LRRC7: variants seen among roughly 807,000 people sequenced by gnomAD.
LRRC7 encodes the protein leucine-rich repeat-containing protein 7.
A neutral mutation model predicts 175.7 loss-of-function variants in LRRC7; 23 were observed. That is an observed-to-expected ratio of 0.13 (90% confidence interval 0.09 to 0.19). The LOEUF (loss-of-function observed/expected upper bound fraction) is 0.19, where lower values mean the gene tolerates loss of function less well. Ranked by LOEUF, LRRC7 falls within the 10% of genes least tolerant of loss-of-function variation. The pLI is 1.00. For missense variants in LRRC7, 1,354 were observed against 1,904.7 expected (o/e 0.71, Z 5.38); for synonymous variants, 685 against 680.9 (o/e 1.01, Z -0.09).
chr1:69,939,254 A>G (rs1570736554), intron 8 of LRRC7, among the ~76,000 whole-genome samples: 1 of 151,618 alleles, frequency 6.6e-6, no homozygotes, highest in African/African-American at 2.4e-5. Flanking sequence ...CAAAGGGGGG[A>G]CACTGAAAAA....
chr1:69,803,295 C>G (rs1177818429), intron 4 of LRRC7, among the ~76,000 whole-genome samples: 1 of 151,302 alleles, frequency 6.6e-6, no homozygotes, highest in Admixed American at 6.6e-5. Context: ...GGTACATAAT[C>G]TATTGGAATT....
At chr1:69,917,510 C>G (rs1212621967) in intron 7 of LRRC7, among the ~76,000 whole-genome samples, 2 of 152,054 alleles carry the variant, frequency 1.3e-5, no homozygotes, top group African/African-American at 4.8e-5. Flanking sequence ...AAGATGCTTA[C>G]TTTTCTGACA....
intron 4 of LRRC7, among the ~76,000 whole-genome samples, chr1:69,805,283 G>T (rs945002979): frequency 6.6e-6 from 1 of 151,582 alleles, no homozygotes; most frequent in Admixed American, 6.6e-5. Context: ...TCTCAAATAG[G>T]CTAGAAAAAG....
At chr1:69,968,557 A>G (rs2101861301) in intron 8 of LRRC7, among the ~76,000 whole-genome samples, 1 of 152,296 alleles carries the variant, frequency 6.6e-6, no homozygotes, top group Non-Finnish European at 1.5e-5. Flanking sequence ...AGGCAAAAAC[A>G]CCAGGTAACC....
At chr1:69,812,173 T>G (rs1677969403) in intron 4 of LRRC7, among the ~76,000 whole-genome samples, 1 of 152,164 alleles carries the variant, frequency 6.6e-6, no homozygotes, top group African/African-American at 2.4e-5. Context: ...AGGTTGTTTG[T>G]ATTTGACCTG....
intron 11 of LRRC7, among the ~76,000 whole-genome samples, chr1:70,007,382 C>T (rs1456666419): frequency 6.6e-6 from 1 of 152,030 alleles, no homozygotes; most frequent in Non-Finnish European, 1.5e-5. Context: ...TGAAACTGTG[C>T]AAAACAGTCT....
intron 4 of LRRC7, among the ~76,000 whole-genome samples, chr1:69,822,104 C>T (rs889290317): frequency 1.3e-5 from 2 of 152,204 alleles, no homozygotes; most frequent in Admixed American, 1.3e-4. Context: ...GATGTGCCTG[C>T]TCCACCTATT....
intron 24 of LRRC7, among the ~76,000 whole-genome samples, chr1:70,084,312 T>C (rs1663442152): frequency 6.6e-6 from 1 of 152,322 alleles, no homozygotes; most frequent in Middle Eastern, 3.4e-3. Flanking sequence ...CCTTGAGCAG[T>C]CACTTTCCAT....
Position 70,038,392 on chromosome 1 carries a change from T to C in LRRC7, c.2568T>C (p.Gly856=), listed in dbSNP as rs1049314937. ...RPLIRQDRIV[G]VPLELEQSTH... ...TGATCAGGCAAGACAGGATTGTTGG[T>C]GTTCCCCTGGAACTCGAGCAGTCTA... The change falls in exon 21 of 27, where the codon GGT becomes GGC. Residue 856 remains glycine, a synonymous_variant. Coordinates refer to ENST00000651989, the MANE Select transcript of LRRC7 (RefSeq NM_001370785.2). 26 of 1,613,962 alleles carry C rather than the reference T, an allele frequency of 1.6e-5. No homozygotes were observed. The highest frequency in any genetic ancestry group is 2.0e-5 in the Non-Finnish European group (24 of 1,180,000).
At position 69,626,767 on chromosome 1, in the gene LRRC7, C is replaced by A. The variant is rs151222130; in HGVS notation, c.3-51614C>A. Among the ~76,000 whole-genome samples, 323 of 137,484 alleles carry A rather than the reference C, an allele frequency of 2.3e-3. 1 individual carries two copies. Among genetic ancestry groups the A allele is most frequent in the African/African-American group, 8.5e-3 (315 of 36,888 alleles). The allele number at this position is 137,484 out of a possible 152,430, so 90.2% of individuals were successfully genotyped here. ...GGCCCCGGTGTGTGATGTTCCCCAT[C>A]CTGTGTGCAAGTGTTCTCATTGTTC... is the stretch of plus-strand genomic sequence containing the variant. On this transcript the variant is annotated intron_variant, in intron 1 of 26. Coordinates refer to ENST00000651989, the MANE Select transcript of LRRC7 (RefSeq NM_001370785.2).
intron 25 of LRRC7, among the ~76,000 whole-genome samples, chr1:70,094,263 C>T (rs1244832201): frequency 4.6e-5 from 7 of 152,138 alleles, no homozygotes; most frequent in Non-Finnish European, 8.8e-5. Flanking sequence ...CCTCCACTGT[C>T]CACCATTTAT....
intron 1 of LRRC7, among the ~76,000 whole-genome samples, chr1:69,569,938 G>A (rs1347473612): frequency 6.6e-6 from 1 of 151,032 alleles, no homozygotes; most frequent in Non-Finnish European, 1.5e-5. Context: ...AGCGATGGGG[G>A]TGGGGATCGG....
chr1:69,614,809 AG>A (rs1442755597), intron 1 of LRRC7, among the ~76,000 whole-genome samples: 3 of 152,110 alleles, frequency 2.0e-5, no homozygotes, highest in Non-Finnish European at 4.4e-5. Context: ...TAATGACACC[AG>A]GCAACTGTAA....
chr1:70,008,305 T>C lies in LRRC7; in HGVS notation c.1005-3492T>C, dbSNP rs1480132820. Among the ~76,000 whole-genome samples the C allele has an allele frequency of 2.0e-5, 3 of 152,346 alleles. No individual in the cohort carries two copies. In the East Asian group the frequency reaches 5.8e-4, roughly 29 times the overall value. On this transcript the variant is annotated intron_variant, in intron 11 of 26. Transcript: ENST00000651989. ...GGTGGATCTGCCTGCTCCAGCCCAC[T>C]GACTCAAATGTTAATCTCTTTTGGC...
At chr1:69,588,550 A>G (rs1044121821) in intron 1 of LRRC7, among the ~76,000 whole-genome samples, 16 of 152,308 alleles carry the variant, frequency 1.1e-4, no homozygotes, top group African/African-American at 3.6e-4. Context: ...ATGAGCTTTG[A>G]CATTGTAAAA....
intron 7 of LRRC7, among the ~76,000 whole-genome samples, chr1:69,861,170 C>G (rs1166773100): frequency 6.6e-6 from 1 of 151,962 alleles, no homozygotes; most frequent in Non-Finnish European, 1.5e-5. Context: ...ATATACAAAG[C>G]ATTTTTAAAT....
chr1:69,713,321 CA>C (rs35881173), intron 2 of LRRC7, among the ~76,000 whole-genome samples: 6 of 149,484 alleles, frequency 4.0e-5, no homozygotes, highest in South Asian at 4.2e-4. Flanking sequence ...CTTGGTCTCT[CA>C]AAAAAAAATG....
chr1:69,600,800 C>CTTTTTTTTTTTTTTTT lies in LRRC7; in HGVS notation c.2+32172_2+32187dup, dbSNP rs59212223. Among the ~76,000 whole-genome samples the CTTTTTTTTTTTTTTTT allele has an allele frequency of 1.8e-4, 12 of 64,898 alleles. 5 individuals are homozygous for CTTTTTTTTTTTTTTTT. Among genetic ancestry groups the CTTTTTTTTTTTTTTTT allele is most frequent in the African/African-American group, 2.5e-4 (4 of 16,174 alleles). 42.6% of individuals were successfully genotyped at this position (64,898 alleles called of 152,430 possible). Reference sequence around the variant, plus strand: ...CCATTTCTCCAAGGATCTCTGGTTTCTTTTTTTTTTTTTTTTTTTTTTTTT... The same window carrying CTTTTTTTTTTTTTTTT: ...CCATTTCTCCAAGGATCTCTGGTTTCTTTTTTTTTTTTTTTTTTTTTTTTTTTTTTTTTTTTTTTTT... On this transcript the variant is annotated intron_variant, in intron 1 of 26. Coordinates refer to ENST00000651989, the MANE Select transcript of LRRC7 (RefSeq NM_001370785.2).
chr1:70,047,019 T>C (rs1469042906), intron 22 of LRRC7, among the ~76,000 whole-genome samples: 1 of 152,146 alleles, frequency 6.6e-6, no homozygotes, highest in African/African-American at 2.4e-5. Context: ...AAATCTGTTA[T>C]AACATGTTTA....
Sources: allele counts gnomAD v4.1 joint callset (sites outside exome capture counted in the v4.1 genomes callset), GRCh38; gene constraint gnomAD v4.1.1; transcripts MANE v1.5; gene names NCBI Gene and HGNC (gene_info 2026-07-23, HGNC 2026-07-21).